Variants in EYA2 observed in about 807,000 individuals in gnomAD.
EYA2 encodes EYA transcriptional coactivator and phosphatase 2.
EYA2 carries 31 observed loss-of-function variants against 69.2 expected under a neutral mutation model. The ratio of observed to expected loss-of-function variants is 0.45; its 90% CI spans 0.34 to 0.60. The LOEUF (loss-of-function observed/expected upper bound fraction) is 0.60. EYA2 is among the 20% of genes least tolerant of loss of function. The pLI is 0.02. For missense variants in EYA2, 622 were observed against 701.2 expected, an observed-to-expected ratio of 0.89 and a Z score of 1.28; for synonymous variants, 257 against 279.4, an observed-to-expected ratio of 0.92 and a Z score of 0.80.
chr20:47,069,678 A>G (rs2031239201), intron 5 of EYA2, among the ~76,000 whole-genome samples: 1 of 152,142 alleles, frequency 6.6e-6, no homozygotes, highest in African/African-American at 2.4e-5. Flanking sequence ...ATGTGTTTAT[A>G]TCATATTTCA....
intron 1 of EYA2, among the ~76,000 whole-genome samples, chr20:46,941,827 T>C (rs1396012238): frequency 6.6e-6 from 1 of 151,738 alleles, no homozygotes; most frequent in Admixed American, 6.6e-5. Context: ...GGTGCCATTA[T>C]AGCTCACTGT....
At chr20:47,033,594 G>A (rs1455486922) in intron 5 of EYA2, among the ~76,000 whole-genome samples, 1 of 152,176 alleles carries the variant, frequency 6.6e-6, no homozygotes, top group Non-Finnish European at 1.5e-5. Flanking sequence ...AGAGTGGCAG[G>A]ACTGTATTTC....
intron 10 of EYA2, among the ~76,000 whole-genome samples, chr20:47,155,075 C>CA (rs1291873862): frequency 2.0e-5 from 3 of 151,880 alleles, no homozygotes; most frequent in African/African-American, 7.2e-5. Flanking sequence ...AGGCTGGTCT[C>CA]AAACTCCCGA....
At chr20:47,083,895 A>G (rs189734492) in intron 7 of EYA2, among the ~76,000 whole-genome samples, 3 of 152,346 alleles carry the variant, frequency 2.0e-5, no homozygotes, top group Admixed American at 2.0e-4. Context: ...ATGTGTTTAT[A>G]TAGAATATAG....
chr20:47,057,219 A>G (rs959503221), intron 5 of EYA2, among the ~76,000 whole-genome samples: 3 of 152,136 alleles, frequency 2.0e-5, no homozygotes, highest in South Asian at 2.1e-4. Flanking sequence ...CAAAGATGTG[A>G]TGGCTGAAGG....
intron 9 of EYA2, among the ~76,000 whole-genome samples, chr20:47,117,247 T>C (rs1415314645): frequency 6.6e-6 from 1 of 152,168 alleles, no homozygotes; most frequent in East Asian, 1.9e-4. Flanking sequence ...TGGCCTCAAA[T>C]GATCCGCCCG....
intron 7 of EYA2, among the ~76,000 whole-genome samples, chr20:47,087,789 C>T (rs2031942596): frequency 6.6e-6 from 1 of 152,240 alleles, no homozygotes; most frequent in Non-Finnish European, 1.5e-5. Flanking sequence ...CTAATCCACA[C>T]ATATCCATGG....
In EYA2 at chr20:47,183,346, C is replaced by T. The variant is rs750454193; in HGVS notation, c.1491C>T (p.Tyr497=). 19 of 1,613,976 alleles carry T rather than the reference C, an allele frequency of 1.2e-5. No homozygotes were observed. The African/African-American group carries it at 1.3e-4, about 11-fold the overall frequency. ...AGAGATTCGGCAGAAAAGCTGTCTA[C>T]GTGGTGATCGGTGATGGTGTGGAAG... is the stretch of plus-strand genomic sequence containing the variant. ...IMQRFGRKAV[Y]VVIGDGVEEE... is the part of the protein sequence containing the mutation. Residue 497 remains tyrosine (Y), a synonymous_variant, in exon 15 of 16, where the codon TAC becomes TAT. Transcript: ENST00000327619.
At chr20:47,064,721 A>T (rs2031043651) in intron 5 of EYA2, among the ~76,000 whole-genome samples, 4 of 151,966 alleles carry the variant, frequency 2.6e-5, no homozygotes, top group African/African-American at 9.7e-5. Context: ...CAGCCCAGAC[A>T]CTCGTGTTGG....
intron 12 of EYA2, among the ~76,000 whole-genome samples, chr20:47,178,241 T>C (rs1037151618): frequency 6.6e-6 from 1 of 151,602 alleles, no homozygotes; most frequent in African/African-American, 2.4e-5. Flanking sequence ...GGTGGAAGGA[T>C]TGCAGGATTG....
intron 5 of EYA2, among the ~76,000 whole-genome samples, chr20:47,048,562 C>G (rs1600668759): frequency 1.3e-5 from 2 of 152,236 alleles, no homozygotes; most frequent in African/African-American, 4.8e-5. Context: ...ATGGTGAAAC[C>G]CTGTCTCTAC....
intron 7 of EYA2, among the ~76,000 whole-genome samples, chr20:47,079,148 ATATG>A (rs1435505429): frequency 1.3e-5 from 2 of 152,370 alleles, no homozygotes; most frequent in East Asian, 3.9e-4. Flanking sequence ...TCTACAATAT[ATATG>A]ATGGATCTGT....
chr20:47,114,770 A>G (rs568245805), intron 9 of EYA2, among the ~76,000 whole-genome samples: 9 of 152,162 alleles, frequency 5.9e-5, no homozygotes, highest in Middle Eastern at 3.2e-3. Context: ...CGGATCCCTC[A>G]TGGCTTGTGA....
chr20:47,167,199 C>T (rs578129211), intron 10 of EYA2: 86 of 154,180 alleles, frequency 5.6e-4, no homozygotes, highest in African/African-American at 1.9e-3. Flanking sequence ...AAATTTCCCC[C>T]AGTTACTGGC....
intron 15 of EYA2, among the ~76,000 whole-genome samples, chr20:47,186,705 CT>C (rs2034650509): frequency 6.6e-6 from 1 of 152,150 alleles, no homozygotes; most frequent in South Asian, 2.1e-4. Flanking sequence ...TTCTTGTCCC[CT>C]GAGACACCCC....
intron 1 of EYA2, among the ~76,000 whole-genome samples, chr20:46,954,983 G>A (rs1270988915): frequency 2.0e-5 from 3 of 152,182 alleles, no homozygotes; most frequent in Non-Finnish European, 2.9e-5. Flanking sequence ...AGGTCAAAAT[G>A]GATGTCGGCA....
At chr20:46,991,398 G>A (rs184958618) in intron 2 of EYA2, among the ~76,000 whole-genome samples, 5 of 152,270 alleles carry the variant, frequency 3.3e-5, no homozygotes, top group Admixed American at 1.3e-4. Flanking sequence ...TACTTCATAG[G>A]GTGCTGATTG....
intron 5 of EYA2, among the ~76,000 whole-genome samples, chr20:47,057,004 C>T (rs1318616645): frequency 1.4e-5 from 2 of 145,456 alleles, no homozygotes; most frequent in East Asian, 2.1e-4. Flanking sequence ...TAAGATCACA[C>T]GTCTACACTC....
chr20:47,063,951 T>C (rs1301432098), intron 5 of EYA2, among the ~76,000 whole-genome samples: 2 of 152,212 alleles, frequency 1.3e-5, no homozygotes, highest in Non-Finnish European at 2.9e-5. Context: ...GGGCGACTAA[T>C]AGTCAAGGCC....
Sources: allele counts gnomAD v4.1 joint callset (sites outside exome capture counted in the v4.1 genomes callset), GRCh38; gene constraint gnomAD v4.1.1; transcripts MANE v1.5; gene names NCBI Gene and HGNC (gene_info 2026-07-23, HGNC 2026-07-21).